The following TENM3 variants were observed in gnomAD, a reference collection of about 807,000 sequenced individuals.
TENM3 encodes the protein teneurin-3.
TENM3 carries 63 observed loss-of-function variants against 255.1 expected under a neutral mutation model. The ratio of observed to expected loss-of-function variants is 0.25; its 90% CI spans 0.20 to 0.30. TENM3 has a LOEUF of 0.30. Ranked by LOEUF, TENM3 falls within the 10% of genes least tolerant of loss-of-function variation. TENM3 has a pLI of 1.00. For missense variants in TENM3, 2,929 were observed against 3,461.1 expected (o/e 0.85, Z 3.86); for synonymous variants, 1,306 against 1,322.3 (o/e 0.99, Z 0.27).
At chr4:182,526,485 C>G (rs1739197772) in intron 3 of TENM3, among the ~76,000 whole-genome samples, 1 of 152,108 alleles carries the variant, frequency 6.6e-6, no homozygotes, top group Non-Finnish European at 1.5e-5. Flanking sequence ...TAGTGGGACT[C>G]TATACCTGAC....
At chr4:181,888,618 G>GTGTGTGTGTGTGTGT in the TENM3 span, among the ~76,000 whole-genome samples, 4 of 111,778 alleles carry the variant, frequency 3.6e-5, no homozygotes, top group Admixed American at 1.0e-4. Context: ...GTGTGTGTGT[G>GTGTGTGTGTGTGTGT]GAAAGAGAGA....
At chr4:181,791,285 A>G in the TENM3 span, among the ~76,000 whole-genome samples, 1 of 152,206 alleles carries the variant, frequency 6.6e-6, no homozygotes, top group Non-Finnish European at 1.5e-5. Context: ...GATACATTTT[A>G]TGACTTCTTT....
At chr4:181,540,682 A>C in the TENM3 span, among the ~76,000 whole-genome samples, 3 of 152,176 alleles carry the variant, frequency 2.0e-5, no homozygotes, top group South Asian at 6.2e-4. Flanking sequence ...CTGAATCCCC[A>C]TAGTGAGACA....
chr4:182,529,934 C>G (rs1335016007), intron 3 of TENM3, among the ~76,000 whole-genome samples: 1 of 152,178 alleles, frequency 6.6e-6, no homozygotes, highest in East Asian at 1.9e-4. Context: ...AGCCTTTGCT[C>G]TATCCTTGCC....
At chr4:182,112,846 A>G in the TENM3 span, among the ~76,000 whole-genome samples, 4 of 152,224 alleles carry the variant, frequency 2.6e-5, no homozygotes, top group East Asian at 7.7e-4. Context: ...CCTCCCTTGG[A>G]TAAATGCTGC....
At chr4:182,386,345 G>A (rs1158291006) in intron 3 of TENM3, among the ~76,000 whole-genome samples, 1 of 152,236 alleles carries the variant, frequency 6.6e-6, no homozygotes, top group African/African-American at 2.4e-5. Flanking sequence ...TGAAGTGTTT[G>A]TGTTTTGAAA....
chr4:182,694,361 G>A (rs1757229555), intron 12 of TENM3, among the ~76,000 whole-genome samples: 1 of 152,102 alleles, frequency 6.6e-6, no homozygotes, highest in African/African-American at 2.4e-5. Flanking sequence ...CAATCCACCT[G>A]CCTCAGCCTC....
the TENM3 span, among the ~76,000 whole-genome samples, chr4:181,544,769 C>G: frequency 6.6e-6 from 1 of 152,276 alleles, no homozygotes; most frequent in Admixed American, 6.5e-5. Context: ...TGTTCATAAA[C>G]TATGGACCAC....
At chr4:182,069,053 T>C in the TENM3 span, among the ~76,000 whole-genome samples, 1 of 152,058 alleles carries the variant, frequency 6.6e-6, no homozygotes, top group Admixed American at 6.6e-5. Flanking sequence ...TTAGAAAATC[T>C]CAGCTTGTGA....
intron 1 of TENM3, among the ~76,000 whole-genome samples, chr4:182,269,785 G>A (rs1759491600): frequency 6.6e-6 from 1 of 152,132 alleles, no homozygotes; most frequent in Non-Finnish European, 1.5e-5. Flanking sequence ...GGTTTATTCT[G>A]AGCCAATATG....
At chr4:181,993,425 T>C in the TENM3 span, among the ~76,000 whole-genome samples, 1 of 152,178 alleles carries the variant, frequency 6.6e-6, no homozygotes, top group Non-Finnish European at 1.5e-5. Flanking sequence ...ATATTGCTGT[T>C]ATAGTAATCG....
chr4:182,741,515 A>G (rs1282031560), intron 18 of TENM3, among the ~76,000 whole-genome samples: 2 of 152,250 alleles, frequency 1.3e-5, no homozygotes, highest in Non-Finnish European at 2.9e-5. Context: ...GTTCAAAGTA[A>G]TGACTGAATA....
chr4:181,833,458 G>A, the TENM3 span, among the ~76,000 whole-genome samples: 339 of 152,222 alleles, frequency 2.2e-3, 4 homozygotes, highest in African/African-American at 7.6e-3. Flanking sequence ...AAAACAGGGG[G>A]GCAGGGGAGC....
chr4:182,664,701 T>C (rs1018462664), intron 6 of TENM3, among the ~76,000 whole-genome samples: 1 of 152,110 alleles, frequency 6.6e-6, no homozygotes, highest in Non-Finnish European at 1.5e-5. Flanking sequence ...ACATGAATGA[T>C]AGGAAAGCAA....
chr4:182,693,559 G>A (rs1455023910), intron 12 of TENM3, among the ~76,000 whole-genome samples: 2 of 152,000 alleles, frequency 1.3e-5, no homozygotes, highest in Non-Finnish European at 2.9e-5. Context: ...GGCTGGTGTC[G>A]AATTCCTGAC....
chr4:181,653,788 T>C, the TENM3 span, among the ~76,000 whole-genome samples: 5 of 151,672 alleles, frequency 3.3e-5, no homozygotes, highest in African/African-American at 1.2e-4. Context: ...GGTGGTTTGC[T>C]GCACCTATTC....
In TENM3 at chr4:182,800,505, T is replaced by A; in HGVS notation, c.*154T>A. On this transcript the variant is annotated 3_prime_UTR_variant, in exon 28 of 28. Transcript: ENST00000511685. ...CCACACCGCGAAAACAAGGACCGCTTTTTTCCGAATGACCTTAAAGGTGAT... is the reference window on the plus strand; with the variant it reads ...CCACACCGCGAAAACAAGGACCGCTATTTTCCGAATGACCTTAAAGGTGAT... 1.1e-6 allele frequency: 1 copy of A among 896,970 alleles called. No homozygotes were observed. Among genetic ancestry groups the A allele is most frequent in the Non-Finnish European group, 1.6e-6 (1 of 615,888 alleles). 55.6% of individuals were successfully genotyped at this position (896,970 alleles called of 1,614,324 possible).
chr4:182,346,135 T>C (rs1201901528), intron 2 of TENM3, among the ~76,000 whole-genome samples: 1 of 152,152 alleles, frequency 6.6e-6, no homozygotes, highest in Non-Finnish European at 1.5e-5. Context: ...TGTTGATTGC[T>C]AAGTCAAGGC....
the TENM3 span, among the ~76,000 whole-genome samples, chr4:181,633,525 C>T: frequency 6.6e-6 from 1 of 152,100 alleles, no homozygotes; most frequent in Non-Finnish European, 1.5e-5. Flanking sequence ...GGTGCTTTTC[C>T]AGAGAATATT....
Sources: gnomAD v4.1 joint callset for allele counts (sites outside exome capture counted in the v4.1 genomes callset) on GRCh38, gnomAD v4.1.1 for gene constraint, MANE v1.5 for transcripts, NCBI Gene and HGNC (gene_info 2026-07-23, HGNC 2026-07-21) for gene names.